GABRB1: variants seen among roughly 807,000 people sequenced by gnomAD.
GABRB1 encodes the protein gamma-aminobutyric acid receptor subunit beta-1.
In GABRB1, 17 loss-of-function variants were observed where a neutral mutation model predicts 51.6. That is an observed-to-expected ratio of 0.33 (90% CI 0.23 to 0.49). The LOEUF (loss-of-function observed/expected upper bound fraction) is 0.49. Among genes scored for constraint, GABRB1 ranks in the 20% least tolerant of loss-of-function variants. The probability of loss-of-function intolerance (pLI) is 0.99; values close to 1 mark genes in which losing one functional copy is unlikely to be tolerated. For synonymous variants in GABRB1, 247 were observed against 218.9 expected (o/e 1.13, Z -1.14); for missense variants, 410 against 600.6 (o/e 0.68, Z 3.32).
chr4:47,121,408 A>G (rs954461099), intron 3 of GABRB1, among the ~76,000 whole-genome samples: 2 of 152,174 alleles, frequency 1.3e-5, no homozygotes, highest in Non-Finnish European at 2.9e-5. Context: ...TTTCAGCGAT[A>G]TGAAGTTAAA....
At chr4:47,356,046 A>C (rs556876240) in intron 5 of GABRB1, among the ~76,000 whole-genome samples, 10 of 152,354 alleles carry the variant, frequency 6.6e-5, no homozygotes, top group Middle Eastern at 3.4e-3. Context: ...CATTAACAGC[A>C]CATAGCACAC....
chr4:47,359,825 G>T (rs1726731853), intron 5 of GABRB1, among the ~76,000 whole-genome samples: 1 of 151,972 alleles, frequency 6.6e-6, no homozygotes, highest in Admixed American at 6.6e-5. Context: ...AAAACTGAGG[G>T]TAATTTGTGG....
At chr4:47,416,598 C>T (rs1048740824) in intron 8 of GABRB1, among the ~76,000 whole-genome samples, 2 of 151,764 alleles carry the variant, frequency 1.3e-5, no homozygotes, top group African/African-American at 4.8e-5. Context: ...ACTACAGGCG[C>T]CCGCCACCAC....
chr4:47,269,947 C>CACACACACACACAT, intron 4 of GABRB1, among the ~76,000 whole-genome samples: 1 of 151,058 alleles, frequency 6.6e-6, no homozygotes, highest in Non-Finnish European at 1.5e-5. Flanking sequence ...CACACACACA[C>CACACACACACACAT]ACACACACAC....
chr4:47,241,442 T>C (rs1403850729), intron 4 of GABRB1, among the ~76,000 whole-genome samples: 1 of 152,178 alleles, frequency 6.6e-6, no homozygotes. Context: ...CTTTTCCCAC[T>C]GTGAGATTAG....
chr4:47,388,888 G>T (rs1026453719), intron 5 of GABRB1, among the ~76,000 whole-genome samples: 1 of 152,102 alleles, frequency 6.6e-6, no homozygotes, highest in Non-Finnish European at 1.5e-5. Context: ...AAAAGGATTG[G>T]GTTTGTTTTC....
chr4:47,418,693 G>T (rs1729006669), intron 8 of GABRB1, among the ~76,000 whole-genome samples: 1 of 152,102 alleles, frequency 6.6e-6, no homozygotes, highest in Non-Finnish European at 1.5e-5. Context: ...ACTTTTCTTG[G>T]CTTCGGGGAA....
chr4:47,257,013 A>C (rs1475485089), intron 4 of GABRB1, among the ~76,000 whole-genome samples: 1 of 151,524 alleles, frequency 6.6e-6, no homozygotes, highest in East Asian at 1.9e-4. Context: ...CTTCATATCC[A>C]CTCTCCATTT....
At chr4:47,013,855 T>C (rs975012154) in intron 1 of GABRB1, among the ~76,000 whole-genome samples, 6 of 152,212 alleles carry the variant, frequency 3.9e-5, no homozygotes, top group Non-Finnish European at 5.9e-5. Context: ...TACTTTTATG[T>C]GGAGTTGCAC....
In GABRB1 at chr4:47,403,299, C is replaced by T; in HGVS notation, c.545-19C>T. ...ATTTCCTAAACTTTGTTTAACCGTG[C>T]TGTTTTTATTGGTTTCAGATGGCTA... is the stretch of plus-strand genomic sequence containing the variant. On this transcript the variant is annotated intron_variant, in intron 5 of 8. Coordinates refer to ENST00000295454, the MANE Select transcript of GABRB1 (RefSeq NM_000812.4). 1.2e-6 allele frequency: 2 copies of T among 1,612,120 alleles called. No individual in the cohort carries two copies. The highest frequency in any genetic ancestry group is 1.7e-6 in the Non-Finnish European group (2 of 1,179,054).
chr4:47,341,506 G>A (rs1322356356), intron 5 of GABRB1, among the ~76,000 whole-genome samples: 2 of 152,240 alleles, frequency 1.3e-5, no homozygotes, highest in African/African-American at 2.4e-5. Context: ...ACACAACAAA[G>A]AGCAATAAAT....
chr4:47,206,710 T>A (rs1024204051), intron 4 of GABRB1, among the ~76,000 whole-genome samples: 1 of 151,700 alleles, frequency 6.6e-6, no homozygotes. Context: ...GTCAAGGATA[T>A]GATCCACACA....
chr4:47,287,715 C>G (rs1462649168), intron 4 of GABRB1, among the ~76,000 whole-genome samples: 1 of 152,210 alleles, frequency 6.6e-6, no homozygotes, highest in Non-Finnish European at 1.5e-5. Context: ...ATGTCTCGAT[C>G]AGGTTTTAAA....
At chr4:47,279,350 C>T (rs141732629) in intron 4 of GABRB1, among the ~76,000 whole-genome samples, 56 of 152,030 alleles carry the variant, frequency 3.7e-4, no homozygotes, top group African/African-American at 1.2e-3. Context: ...TTTTTACAAG[C>T]GAATAGAATA....
At chr4:47,037,172 T>C (rs1725614745) in intron 3 of GABRB1, among the ~76,000 whole-genome samples, 1 of 152,220 alleles carries the variant, frequency 6.6e-6, no homozygotes, top group African/African-American at 2.4e-5. Flanking sequence ...ACTATCCTGT[T>C]GCTTTACAGG....
At chr4:47,231,994 T>C (rs1051467786) in intron 4 of GABRB1, among the ~76,000 whole-genome samples, 3 of 152,132 alleles carry the variant, frequency 2.0e-5, no homozygotes, top group Non-Finnish European at 4.4e-5. Flanking sequence ...AAATTGCCCA[T>C]GAAGTAGTAG....
chr4:47,334,738 G>A (rs1426530308), intron 5 of GABRB1, among the ~76,000 whole-genome samples: 1 of 152,162 alleles, frequency 6.6e-6, no homozygotes, highest in African/African-American at 2.4e-5. Flanking sequence ...TCATTCTGGA[G>A]AGCACAAGTT....
chr4:47,341,597 C>T (rs1725902035), intron 5 of GABRB1, among the ~76,000 whole-genome samples: 1 of 152,234 alleles, frequency 6.6e-6, no homozygotes, highest in South Asian at 2.1e-4. Context: ...TATCACACTG[C>T]CTGTTTCGTA....
intron 5 of GABRB1, among the ~76,000 whole-genome samples, chr4:47,347,262 A>G (rs1726135883): frequency 6.6e-6 from 1 of 152,062 alleles, no homozygotes; most frequent in Non-Finnish European, 1.5e-5. Flanking sequence ...TGCCTGGGTG[A>G]CAGCAAAACT....
Sources: allele counts gnomAD v4.1 joint callset (sites outside exome capture counted in the v4.1 genomes callset), GRCh38; gene constraint gnomAD v4.1.1; transcripts MANE v1.5; gene names NCBI Gene and HGNC (gene_info 2026-07-23, HGNC 2026-07-21).